HDHD2: variants seen among roughly 807,000 people sequenced by gnomAD.
The protein encoded by HDHD2 is haloacid dehalogenase like hydrolase domain containing 2.
Under a neutral mutation model 24.8 loss-of-function variants are expected in HDHD2, and 26 were observed. That is an observed-to-expected ratio of 1.05 (90% CI 0.77 to 1.45). The LOEUF (loss-of-function observed/expected upper bound fraction) is 1.45, where lower values mean the gene tolerates loss of function less well. Among genes scored for constraint, HDHD2 ranks in the 40% most tolerant of loss-of-function variants. The pLI, the probability that HDHD2 is intolerant of heterozygous loss-of-function variation, is 0.00. For synonymous variants in HDHD2, 128 were observed against 114.9 expected (o/e 1.11, Z -0.73); for missense variants, 299 against 313.4 (o/e 0.95, Z 0.35).
At chr18:47,136,775 A>G (rs190132061) in intron 1 of HDHD2, among the ~76,000 whole-genome samples, 124 of 152,300 alleles carry the variant, frequency 8.1e-4, no homozygotes, top group Non-Finnish European at 1.6e-3. Context: ...TTATTTTTAA[A>G]CCTGAGAATA....
At chr18:47,124,073 G>A (rs1234541226) in intron 4 of HDHD2, among the ~76,000 whole-genome samples, 7 of 152,138 alleles carry the variant, frequency 4.6e-5, no homozygotes, top group African/African-American at 1.7e-4. Context: ...GGGAAGAATG[G>A]GTCTTTGCAA....
chr18:47,108,779 T>C lies in HDHD2; in HGVS notation c.683A>G (p.Tyr228Cys). Residue 228 changes from tyrosine to cysteine, a missense_variant, in exon 7 of 7, where the codon TAT becomes TGT. Transcript: ENST00000300605. ...AATTTTTTCTTCATCTGATGCTCGA[T>C]ATTTCCCTGAAATGAAAGTAAAGCC... ...MLGILVKTGKYRASDEEKINP... is the reference protein window; with the variant it reads ...MLGILVKTGKCRASDEEKINP... The C allele has an allele frequency of 6.3e-7, 1 of 1,598,062 alleles. No homozygotes were observed.
At chr18:47,145,117 C>T (rs1314705536) in intron 1 of HDHD2, among the ~76,000 whole-genome samples, 1 of 152,216 alleles carries the variant, frequency 6.6e-6, no homozygotes, top group African/African-American at 2.4e-5. Context: ...CACATCTAAA[C>T]CCTTGCTATA....
chr18:47,112,820 A>G (rs1027659667), intron 6 of HDHD2, among the ~76,000 whole-genome samples, 157 bp downstream of exon 6: 1 of 152,216 alleles, frequency 6.6e-6, no homozygotes, highest in African/African-American at 2.4e-5. Context: ...GCCCTTCCCA[A>G]TTGTTTCCTA....
Position 47,108,549 on chromosome 18 carries a change from A to G in HDHD2, c.*133T>C, listed in dbSNP as rs1599915674. 1 of 510,572 alleles carries G rather than the reference A, an allele frequency of 2.0e-6. No individual in the cohort carries two copies. Among genetic ancestry groups the G allele is most frequent in the East Asian group, 3.3e-5 (1 of 30,164 alleles). The allele number at this position is 510,572 out of a possible 1,614,324, so 31.6% of individuals were successfully genotyped here. On this transcript the variant is annotated 3_prime_UTR_variant, in exon 7 of 7. Transcript: ENST00000300605. ...AATTCAATACCTTTCTTTCTAATTA[A>G]TGCACAACAAAAGAGGGTTAAAAAG...
chr18:47,132,524 A>C (rs2063723064), intron 3 of HDHD2, among the ~76,000 whole-genome samples: 1 of 152,144 alleles, frequency 6.6e-6, no homozygotes, highest in Admixed American at 6.6e-5. Context: ...GCTTTGTGTC[A>C]TTTTATATTC....
At chr18:47,115,429 G>A (rs1030478586) in intron 4 of HDHD2, 81 bp from the exon 5 acceptor site, 3 of 959,410 alleles carry the variant, frequency 3.1e-6, no homozygotes, top group Non-Finnish European at 4.8e-6. Context: ...GACTTACAAA[G>A]TGGCTGTATT....
Position 47,141,796 on chromosome 18 carries a change from T to C in HDHD2, c.-10-5347A>G, listed in dbSNP as rs542788562. ...CATCTTGTCTTTTCCTGTAAGCTGA[T>C]AATTGATTACATTTTGATATGGTTT... is the stretch of plus-strand genomic sequence containing the variant. On this transcript the variant is annotated intron_variant, in intron 1 of 6. Transcript: ENST00000300605. Among the ~76,000 whole-genome samples the C allele has an allele frequency of 7.2e-5, 11 of 152,352 alleles. No individual in the cohort carries two copies. The South Asian group carries it at 2.3e-3, about 32-fold the overall frequency.
chr18:47,143,009 T>C (rs1238451085), intron 1 of HDHD2, among the ~76,000 whole-genome samples: 4 of 152,194 alleles, frequency 2.6e-5, no homozygotes, highest in Non-Finnish European at 5.9e-5. Context: ...AAATATTAAA[T>C]AGATCTTTGG....
intron 1 of HDHD2, among the ~76,000 whole-genome samples, chr18:47,149,316 G>C (rs921178403): frequency 3.3e-5 from 5 of 152,078 alleles, no homozygotes; most frequent in Admixed American, 6.6e-5. Context: ...AAATTGGGGC[G>C]CTACAAAACA....
At chr18:47,139,141 G>C (rs2063795560) in intron 1 of HDHD2, among the ~76,000 whole-genome samples, 1 of 151,944 alleles carries the variant, frequency 6.6e-6, no homozygotes, top group Non-Finnish European at 1.5e-5. Flanking sequence ...TCTTCATTTG[G>C]CTGTTAATTT....
At chr18:47,138,716 T>C (rs79231363) in intron 1 of HDHD2, among the ~76,000 whole-genome samples, 8,209 of 152,282 alleles carry the variant, frequency 0.054, 280 homozygotes, top group East Asian at 0.13. Context: ...CCATAGCCTT[T>C]GTTGAAGTAA....
intron 4 of HDHD2, among the ~76,000 whole-genome samples, chr18:47,120,959 T>C (rs1303277673): frequency 1.3e-5 from 2 of 152,030 alleles, no homozygotes; most frequent in Non-Finnish European, 2.9e-5. Flanking sequence ...AGATCACTGA[T>C]CACCACAACA....
At chr18:47,118,919 A>G (rs1007271919) in intron 4 of HDHD2, among the ~76,000 whole-genome samples, 1 of 152,212 alleles carries the variant, frequency 6.6e-6, no homozygotes, top group African/African-American at 2.4e-5. Flanking sequence ...TATCTATGAG[A>G]TATTTTGGAT....
At chr18:47,110,885 T>C in intron 6 of HDHD2, 1 of 983,926 alleles carries the variant, frequency 1.0e-6, no homozygotes, top group Non-Finnish European at 1.2e-6. Context: ...AAATAATTGA[T>C]CAAATTATAT....
At chr18:47,137,783 C>T (rs1243109843) in intron 1 of HDHD2, among the ~76,000 whole-genome samples, 2 of 151,456 alleles carry the variant, frequency 1.3e-5, no homozygotes, top group Non-Finnish European at 2.9e-5. Context: ...ATAGGGCAAT[C>T]TGTCTTTAAG....
rs74888093 is a variant in HDHD2, at chr18:47,121,149, C to T, written c.396-5801G>A. Among the ~76,000 whole-genome samples, 1,037 of 150,508 alleles carry T rather than the reference C, an allele frequency of 6.9e-3. 1 individual carries two copies. Among genetic ancestry groups the T allele is most frequent in the Non-Finnish European group, 0.011 (746 of 67,750 alleles). ...AAGTGAAGCGCGATAATGCAAAGTGCAATAAAAAGAGGTATGCCTGAACAC... is the reference window on the plus strand; with the variant it reads ...AAGTGAAGCGCGATAATGCAAAGTGTAATAAAAAGAGGTATGCCTGAACAC... On this transcript the variant is annotated intron_variant, in intron 4 of 6. Coordinates refer to ENST00000300605, the MANE Select transcript of HDHD2 (RefSeq NM_032124.5).
chr18:47,130,011 C>T (rs993350325), intron 4 of HDHD2, among the ~76,000 whole-genome samples: 2 of 151,950 alleles, frequency 1.3e-5, no homozygotes, highest in African/African-American at 4.8e-5. Context: ...CCAGCCTGGG[C>T]GACAGAGTGA....
chr18:47,132,863 TCA>T (rs1205758344), intron 3 of HDHD2, among the ~76,000 whole-genome samples: 9 of 152,214 alleles, frequency 5.9e-5, no homozygotes, highest in African/African-American at 2.2e-4. Context: ...TGTAAAAACT[TCA>T]CACTATCCAG....
Sources: allele counts gnomAD v4.1 joint callset (sites outside exome capture counted in the v4.1 genomes callset), GRCh38; gene constraint gnomAD v4.1.1; transcripts MANE v1.5; gene names NCBI Gene and HGNC (gene_info 2026-07-23, HGNC 2026-07-21).